GNB5: variants seen among roughly 807,000 people sequenced by gnomAD.
The protein encoded by GNB5 is G protein subunit beta 5, also known as guanine nucleotide-binding protein subunit beta-5.
A neutral mutation model predicts 55.3 loss-of-function variants in GNB5; 37 were observed. The ratio of observed to expected loss-of-function variants is 0.67; its 90% CI spans 0.51 to 0.88. GNB5 has a LOEUF of 0.88. GNB5 is among the 40% of genes least tolerant of loss of function. The pLI is 0.00. For missense variants in GNB5, 476 were observed against 515.3 expected (o/e 0.92, Z 0.74); for synonymous variants, 219 against 198.5 (o/e 1.10, Z -0.87).
chr15:52,169,907 T>A (rs531033419), intron 3 of GNB5, among the ~76,000 whole-genome samples: 1 of 152,166 alleles, frequency 6.6e-6, no homozygotes, highest in East Asian at 1.9e-4. Context: ...GCAAAGGACA[T>A]GAACAGACAC....
At position 52,122,513 on chromosome 15, in the gene GNB5, A is replaced by C; in HGVS notation, c.*244T>G. On this transcript the variant is annotated 3_prime_UTR_variant, in exon 13 of 13. Coordinates refer to ENST00000261837, the MANE Select transcript of GNB5 (RefSeq NM_016194.4). ...AACCTTAAAAACAGATACATTTTAA[A>C]AAGTGTTCCAAAAGAAAAATACTGT... The C allele has an allele frequency of 2.1e-6, 1 of 479,608 alleles. No individual in the cohort carries two copies. The highest frequency in any genetic ancestry group is 3.7e-6 in the Non-Finnish European group (1 of 272,242). The allele number at this position is 479,608 out of a possible 1,614,324, so 29.7% of individuals were successfully genotyped here. A position where few individuals can be genotyped will look rare whatever the true frequency, so the allele number is the denominator to read the frequency against.
chr15:52,184,667 G>T lies in GNB5; in HGVS notation c.10C>A (p.Gln4Lys). The change falls in exon 2 of 13, where the codon CAG (glutamine) becomes AAG (lysine). Residue 4 changes from glutamine to lysine, a missense_variant. Physicochemically the swap from Gln to Lys is moderately conservative, Grantham distance 53. Transcript: ENST00000261837. MCDQTFLVNVFGSC... is the reference protein window; with the variant it reads MCDKTFLVNVFGSC... ...CCAAATACATTAACGAGAAAGGTCT[G>T]ATCACACATCTTTTACCCAAGATAA... 2 of 1,613,042 alleles carry T rather than the reference G, an allele frequency of 1.2e-6. No individual in the cohort carries two copies. Among genetic ancestry groups the T allele is most frequent in the South Asian group, 1.1e-5 (1 of 90,942 alleles).
intron 9 of GNB5, among the ~76,000 whole-genome samples, chr15:52,133,048 T>C (rs1406603787): frequency 1.3e-5 from 2 of 152,218 alleles, no homozygotes; most frequent in African/African-American, 4.8e-5. Context: ...TGTAAGAGAA[T>C]AGAGACCTTG....
At chr15:52,152,317 T>A (rs1252088314) in intron 4 of GNB5, among the ~76,000 whole-genome samples, 1 of 151,720 alleles carries the variant, frequency 6.6e-6, no homozygotes, top group Non-Finnish European at 1.5e-5. Flanking sequence ...AGGATTTATA[T>A]AATATCTTTT....
chr15:52,185,405 A>C lies in GNB5; in HGVS notation c.-18-711T>G, dbSNP rs545998840. The stretch of plus-strand genomic sequence containing the variant: ...TAAAATCTACCCTTCTGGGGTTGTC[A>C]AGAGAATGATAAGAGTCAGTGCGTA... On this transcript the variant is annotated intron_variant, in intron 1 of 12. Transcript: ENST00000261837. Among the ~76,000 whole-genome samples the C allele has an allele frequency of 7.9e-5, 12 of 152,344 alleles. No homozygotes were observed. The South Asian group carries it at 2.5e-3, about 32-fold the overall frequency.
At chr15:52,154,445 G>C (rs551832044) in intron 3 of GNB5, among the ~76,000 whole-genome samples, 1 of 152,344 alleles carries the variant, frequency 6.6e-6, no homozygotes, top group East Asian at 1.9e-4. Context: ...GGGCAGGAGA[G>C]TGAGACCGCT....
At chr15:52,164,640 T>C (rs2034414372) in intron 3 of GNB5, among the ~76,000 whole-genome samples, 1 of 151,066 alleles carries the variant, frequency 6.6e-6, no homozygotes, top group African/African-American at 2.4e-5. Flanking sequence ...AATAAATAAA[T>C]AAATAAAAAT....
At chr15:52,172,094 TTAAAGACTCTTTA>T (rs1268939514) in intron 3 of GNB5, among the ~76,000 whole-genome samples, 1 of 152,202 alleles carries the variant, frequency 6.6e-6, no homozygotes, top group African/African-American at 2.4e-5. Context: ...TAATTTCAAG[TTAAAGACTCTTTA>T]GAGTTGAATT....
intron 6 of GNB5, among the ~76,000 whole-genome samples, chr15:52,143,313 T>G (rs2033899500): frequency 6.6e-6 from 1 of 152,208 alleles, no homozygotes; most frequent in South Asian, 2.1e-4. Context: ...AGATACTTAT[T>G]ACTTAGGGTT....
chr15:52,126,672 T>C (rs1392868037), intron 10 of GNB5, among the ~76,000 whole-genome samples: 6 of 152,234 alleles, frequency 3.9e-5, no homozygotes, highest in Admixed American at 3.9e-4. Context: ...ACTATTCTTA[T>C]ATAAAAATCT....
chr15:52,143,085 G>A (rs1253259219), intron 6 of GNB5, among the ~76,000 whole-genome samples: 3 of 151,932 alleles, frequency 2.0e-5, no homozygotes, highest in Admixed American at 6.6e-5. Context: ...AACCTGGGAG[G>A]TGGAGGTTGC....
chr15:52,182,333 G>C (rs998307108), intron 2 of GNB5, among the ~76,000 whole-genome samples: 2 of 152,148 alleles, frequency 1.3e-5, no homozygotes, highest in African/African-American at 4.8e-5. Flanking sequence ...CACCTCCTTA[G>C]GCTGGCTCTG....
In GNB5 at chr15:52,141,125, G is replaced by A; in HGVS notation, c.627+15C>T. ...CCTTGGCAGGTCAACCTGACACCGG[G>A]GGCTGCCTATTTACCTGCATGTCAG... On this transcript the variant is annotated intron_variant, in intron 7 of 12. Coordinates refer to ENST00000261837, the MANE Select transcript of GNB5 (RefSeq NM_016194.4). 2 of 1,613,638 alleles carry A rather than the reference G, an allele frequency of 1.2e-6. No homozygotes were observed. Among genetic ancestry groups the A allele is most frequent in the Non-Finnish European group, 1.7e-6 (2 of 1,179,626 alleles).
Position 52,179,830 on chromosome 15 carries a change from C to T in GNB5, c.176G>A (p.Ser59Asn), listed in dbSNP as rs111247045. The change falls in exon 3 of 13, where the codon AGC becomes AAC. Residue 59 changes from serine (S) to asparagine (N), a missense_variant. Physicochemically the swap from Ser to Asn is conservative, Grantham distance 46. Coordinates refer to ENST00000261837, the MANE Select transcript of GNB5 (RefSeq NM_016194.4). The part of the protein sequence containing the change: ...HENETLASLK[S>N]EAESLKGKLE... ...CTTGCCCTTGAGGCTCTCGGCCTCG[C>T]TCTTCAGCGACGCCAGCGTCTCGTT... The T allele has an allele frequency of 4.5e-6, 7 of 1,555,408 alleles. No homozygotes were observed. The African/African-American group carries it at 8.5e-5, about 19-fold the overall frequency.
chr15:52,173,611 G>A (rs766888613), intron 3 of GNB5, among the ~76,000 whole-genome samples: 1 of 152,216 alleles, frequency 6.6e-6, no homozygotes, highest in Non-Finnish European at 1.5e-5. Context: ...AGTGGAAGAG[G>A]TAGACGGAAC....
chr15:52,127,022 C>G (rs1227262636), intron 10 of GNB5, among the ~76,000 whole-genome samples: 1 of 152,148 alleles, frequency 6.6e-6, no homozygotes, highest in Non-Finnish European at 1.5e-5. Flanking sequence ...GTCTTGAACT[C>G]CTGACCTCAG....
chr15:52,139,446 A>G (rs2033801014), intron 7 of GNB5, among the ~76,000 whole-genome samples: 1 of 152,112 alleles, frequency 6.6e-6, no homozygotes, highest in Admixed American at 6.5e-5. Flanking sequence ...CTAGAGTGAG[A>G]CCCTGTCTCA....
intron 3 of GNB5, among the ~76,000 whole-genome samples, chr15:52,159,384 C>G (rs750281372): frequency 1.6e-4 from 25 of 152,194 alleles, no homozygotes; most frequent in Non-Finnish European, 3.5e-4. Flanking sequence ...CCAGCGGACA[C>G]ACCATCTGCC....
intron 10 of GNB5, among the ~76,000 whole-genome samples, chr15:52,126,583 A>C (rs1480954128): frequency 6.6e-6 from 1 of 152,178 alleles, no homozygotes; most frequent in Non-Finnish European, 1.5e-5. Context: ...TAGTTATTGA[A>C]TATATCAGAA....
Sources: allele counts gnomAD v4.1 joint callset (sites outside exome capture counted in the v4.1 genomes callset), GRCh38; gene constraint gnomAD v4.1.1; transcripts MANE v1.5; gene names NCBI Gene and HGNC (gene_info 2026-07-23, HGNC 2026-07-21).